The following LRMDA variants were observed in gnomAD, a reference collection of about 807,000 sequenced individuals.
LRMDA encodes leucine-rich melanocyte differentiation-associated protein.
Under a neutral mutation model 29.8 loss-of-function variants are expected in LRMDA, and 18 were observed. The observed-to-expected ratio is 0.60, with a 90% CI of 0.42 to 0.90. The LOEUF is 0.90. Among genes scored for constraint, LRMDA ranks in the 40% least tolerant of loss-of-function variants. LRMDA has a pLI of 0.00. For missense variants in LRMDA, 273 were observed against 273.9 expected (o/e 1.00, Z 0.02); for synonymous variants, 125 against 109.4 (o/e 1.14, Z -0.89).
At chr10:76,342,137 A>T (rs1479973402) in intron 6 of LRMDA, among the ~76,000 whole-genome samples, 1 of 152,202 alleles carries the variant, frequency 6.6e-6, no homozygotes, top group East Asian at 1.9e-4. Context: ...AGGTAGTACA[A>T]TAACACTGAG....
chr10:75,679,930 C>T (rs1842004367), intron 2 of LRMDA, among the ~76,000 whole-genome samples: 1 of 152,062 alleles, frequency 6.6e-6, no homozygotes. Context: ...CTTAAATTAT[C>T]TTAAAGAAAA....
intron 6 of LRMDA, among the ~76,000 whole-genome samples, chr10:76,416,938 A>G (rs1842021393): frequency 6.6e-6 from 1 of 152,220 alleles, no homozygotes; most frequent in Non-Finnish European, 1.5e-5. Context: ...TATAAGCACT[A>G]TCTATGATGG....
At chr10:75,714,879 CTTCT>C (rs1842481523) in intron 2 of LRMDA, among the ~76,000 whole-genome samples, 1 of 135,502 alleles carries the variant, frequency 7.4e-6, no homozygotes, top group African/African-American at 2.7e-5. Context: ...TCCTTCCTTC[CTTCT>C]TTCCTTCCTT....
intron 2 of LRMDA, among the ~76,000 whole-genome samples, chr10:75,845,727 G>A (rs1387905129): frequency 6.6e-6 from 1 of 152,112 alleles, no homozygotes; most frequent in Non-Finnish European, 1.5e-5. Context: ...TACATGTTTT[G>A]TAACTATGTC....
At chr10:75,643,065 C>T (rs575370392) in intron 2 of LRMDA, 1 of 152,180 alleles carries the variant, frequency 6.6e-6, no homozygotes, top group South Asian at 2.1e-4. Context: ...GGCTTCATGG[C>T]CACCTCAGCA....
At chr10:75,797,485 C>T (rs1843672532) in intron 2 of LRMDA, among the ~76,000 whole-genome samples, 1 of 152,032 alleles carries the variant, frequency 6.6e-6, no homozygotes, top group South Asian at 2.1e-4. Context: ...TAACCATTAC[C>T]ACAATCCAAT....
chr10:75,727,074 C>G (rs1842639439), intron 2 of LRMDA, among the ~76,000 whole-genome samples: 1 of 152,142 alleles, frequency 6.6e-6, no homozygotes, highest in Admixed American at 6.5e-5. Context: ...TTGTGTGTGG[C>G]CTGTTTCGCT....
chr10:76,343,747 G>C (rs181756757), intron 6 of LRMDA, among the ~76,000 whole-genome samples: 1 of 150,822 alleles, frequency 6.6e-6, no homozygotes, highest in Non-Finnish European at 1.5e-5. Context: ...AAAGCAATTA[G>C]ATATGAGAAG....
At chr10:75,691,606 T>C (rs1842157611) in intron 2 of LRMDA, among the ~76,000 whole-genome samples, 2 of 152,182 alleles carry the variant, frequency 1.3e-5, no homozygotes, top group African/African-American at 4.8e-5. Flanking sequence ...TCTATCAACA[T>C]AAGCTCATAT....
At chr10:76,001,768 C>T (rs74147618) in intron 2 of LRMDA, among the ~76,000 whole-genome samples, 2,143 of 152,190 alleles carry the variant, frequency 0.014, 42 homozygotes, top group African/African-American at 0.046. Flanking sequence ...GAGCCCTTGA[C>T]GCTATGCTTG....
intron 2 of LRMDA, among the ~76,000 whole-genome samples, chr10:75,677,121 T>C (rs1006838302): frequency 1.3e-5 from 2 of 152,234 alleles, no homozygotes; most frequent in African/African-American, 2.4e-5. Context: ...ATAGAATGTA[T>C]TTATTTCCAT....
Position 75,503,561 on chromosome 10 carries a change from C to T in LRMDA, c.131+65067C>T, listed in dbSNP as rs536011173. On this transcript the variant is annotated intron_variant, in intron 2 of 6. Transcript: ENST00000611255. ...GCTAATAAAATATTAGTGTTATAAA[C>T]CATGACTATTGGTTTATAGAAGTTG... Among the ~76,000 whole-genome samples, 53 of 152,010 alleles carry T rather than the reference C, an allele frequency of 3.5e-4. 1 individual carries two copies. Among genetic ancestry groups the T allele is most frequent in the Middle Eastern group, 6.8e-3 (2 of 294 alleles).
At chr10:75,608,759 C>T (rs7097528) in intron 2 of LRMDA, among the ~76,000 whole-genome samples, 1 of 152,054 alleles carries the variant, frequency 6.6e-6, no homozygotes, top group Non-Finnish European at 1.5e-5. Context: ...GGGGCATAAC[C>T]CTTTAAGTGA....
chr10:75,644,459 A>G (rs1841490521), intron 2 of LRMDA, among the ~76,000 whole-genome samples: 1 of 152,236 alleles, frequency 6.6e-6, no homozygotes, highest in Non-Finnish European at 1.5e-5. Context: ...ATCATAGCAC[A>G]ATTTCATGAA....
chr10:75,558,155 ATTTTTT>A (rs11292875), intron 2 of LRMDA, among the ~76,000 whole-genome samples: 1 of 132,404 alleles, frequency 7.6e-6, no homozygotes, highest in Non-Finnish European at 1.6e-5. Flanking sequence ...CAGTGGTATG[ATTTTTT>A]TTTTTTTTTT....
intron 6 of LRMDA, among the ~76,000 whole-genome samples, chr10:76,345,156 TC>T (rs2132424519): frequency 7.7e-6 from 1 of 129,102 alleles, no homozygotes; most frequent in South Asian, 2.6e-4. Context: ...AAGCTCCGCC[TC>T]CCGGGTTCAC....
At chr10:75,586,344 C>CT (rs748097971) in intron 2 of LRMDA, among the ~76,000 whole-genome samples, 1,411 of 29,004 alleles carry the variant, frequency 0.049, 76 homozygotes, top group African/African-American at 0.095. Flanking sequence ...ACCAACACGT[C>CT]TTTTTTTTTT....
At chr10:76,040,634 A>T (rs1016063111) in intron 3 of LRMDA, among the ~76,000 whole-genome samples, 1 of 152,068 alleles carries the variant, frequency 6.6e-6, no homozygotes, top group Admixed American at 6.6e-5. Flanking sequence ...CTCTTCCACC[A>T]GGAGGGGTGG....
chr10:76,306,767 C>A (rs148044708), intron 5 of LRMDA, among the ~76,000 whole-genome samples: 185 of 152,284 alleles, frequency 1.2e-3, no homozygotes, highest in African/African-American at 4.3e-3. Context: ...CTGTTGTTCC[C>A]AGAGGACTTC....
Sources: allele counts gnomAD v4.1 joint callset (sites outside exome capture counted in the v4.1 genomes callset), GRCh38; gene constraint gnomAD v4.1.1; transcripts MANE v1.5; gene names NCBI Gene and HGNC (gene_info 2026-07-23, HGNC 2026-07-21).